Variants in SUFU observed in about 807,000 individuals in gnomAD.
The protein encoded by SUFU is suppressor of fused homolog.
A neutral mutation model predicts 58.9 loss-of-function variants in SUFU; 7 were observed. That is an observed-to-expected ratio of 0.12 (90% CI 0.07 to 0.22). SUFU has a LOEUF of 0.22. Among genes scored for constraint, SUFU ranks in the 10% least tolerant of loss-of-function variants. SUFU has a pLI of 1.00. For missense variants in SUFU, 451 were observed against 641.3 expected (o/e 0.70, Z 3.20); for synonymous variants, 232 against 254.8 (o/e 0.91, Z 0.85).
chr10:102,604,267 T>C (rs1316574877), intron 8 of SUFU, among the ~76,000 whole-genome samples: 2 of 152,254 alleles, frequency 1.3e-5, no homozygotes, highest in Non-Finnish European at 2.9e-5. Context: ...GACAGCAGGC[T>C]CCTTTTTGCC....
At chr10:102,533,704 G>T (rs10883732) in intron 2 of SUFU, among the ~76,000 whole-genome samples, 3 of 151,926 alleles carry the variant, frequency 2.0e-5, no homozygotes, top group African/African-American at 7.3e-5. Flanking sequence ...AAATTCTCAC[G>T]TCACATCTCT....
At chr10:102,507,961 A>AT (rs3061832) in intron 1 of SUFU, among the ~76,000 whole-genome samples, 5,537 of 116,492 alleles carry the variant, frequency 0.048, 439 homozygotes, top group African/African-American at 0.17. Flanking sequence ...TTTCTTATCC[A>AT]TTTTTTTTTT....
At chr10:102,550,803 G>A (rs1387177987) in intron 3 of SUFU, among the ~76,000 whole-genome samples, 4 of 150,384 alleles carry the variant, frequency 2.7e-5, no homozygotes, top group Non-Finnish European at 4.4e-5. Context: ...GTGCAATGGC[G>A]CAATCTCGAC....
In SUFU at chr10:102,631,801, G is replaced by A; in HGVS notation, c.*1646G>A. 2 of 233,346 alleles carry A rather than the reference G, an allele frequency of 8.6e-6. No individual in the cohort carries two copies. Among genetic ancestry groups the A allele is most frequent in the Non-Finnish European group, 1.7e-5 (2 of 118,082 alleles). 14.5% of individuals were successfully genotyped at this position (233,346 alleles called of 1,614,324 possible). On this transcript the variant is annotated 3_prime_UTR_variant, in exon 12 of 12. Coordinates refer to ENST00000369902, the MANE Select transcript of SUFU (RefSeq NM_016169.4). ...CCTCTACACATCCCCAGGGCTATCTGGTTAATTCCATCAAGCTCAGAGTTA... is the reference window on the plus strand; with the variant it reads ...CCTCTACACATCCCCAGGGCTATCTAGTTAATTCCATCAAGCTCAGAGTTA...
intron 10 of SUFU, among the ~76,000 whole-genome samples, chr10:102,618,848 T>C (rs974206282): frequency 6.6e-6 from 1 of 151,748 alleles, no homozygotes; most frequent in African/African-American, 2.4e-5. Flanking sequence ...GCCTGTCTCC[T>C]GGGCGGAGCT....
At chr10:102,601,714 C>G (rs1410705485) in intron 8 of SUFU, among the ~76,000 whole-genome samples, 2 of 152,170 alleles carry the variant, frequency 1.3e-5, no homozygotes, top group South Asian at 2.1e-4. Context: ...GGACTCAGTT[C>G]AGATCAGTGA....
At chr10:102,582,405 T>G (rs1376626088) in intron 3 of SUFU, among the ~76,000 whole-genome samples, 1 of 152,200 alleles carries the variant, frequency 6.6e-6, no homozygotes, top group Non-Finnish European at 1.5e-5. Flanking sequence ...ATAGCTGTTT[T>G]CTTCTGCAAC....
intron 2 of SUFU, among the ~76,000 whole-genome samples, chr10:102,542,823 C>T (rs1022546369): frequency 2.0e-5 from 3 of 151,994 alleles, no homozygotes; most frequent in African/African-American, 7.3e-5. Flanking sequence ...CAAGGCTTCG[C>T]CATGTTGCCC....
chr10:102,593,347 G>A (rs1429860438), intron 4 of SUFU, among the ~76,000 whole-genome samples: 1 of 152,146 alleles, frequency 6.6e-6, no homozygotes, highest in African/African-American at 2.4e-5. Context: ...ATCTTGAGTT[G>A]CTCAGGCCTT....
intron 2 of SUFU, among the ~76,000 whole-genome samples, chr10:102,535,368 C>A (rs1372107020): frequency 6.6e-6 from 1 of 152,092 alleles, no homozygotes; most frequent in African/African-American, 2.4e-5. Context: ...CGCCTGTAGT[C>A]CCAGCTACTC....
At chr10:102,576,950 A>T (rs917617662) in intron 3 of SUFU, among the ~76,000 whole-genome samples, 1 of 151,924 alleles carries the variant, frequency 6.6e-6, no homozygotes, top group African/African-American at 2.4e-5. Context: ...GTCTGAAGCG[A>T]CCTTCCTGCC....
At chr10:102,516,095 G>T (rs1206347823) in intron 2 of SUFU, among the ~76,000 whole-genome samples, 1 of 146,754 alleles carries the variant, frequency 6.8e-6, no homozygotes, top group African/African-American at 2.5e-5. Context: ...ATGTTGAGGA[G>T]AATTTCTTTT....
intron 2 of SUFU, among the ~76,000 whole-genome samples, chr10:102,540,706 C>T (rs1344634410): frequency 7.2e-6 from 1 of 139,624 alleles, no homozygotes; most frequent in Non-Finnish European, 1.6e-5. Context: ...TTCATTCCTG[C>T]CTGCCTTTAA....
intron 3 of SUFU, among the ~76,000 whole-genome samples, chr10:102,581,215 G>C (rs1220922835): frequency 1.1e-5 from 1 of 88,776 alleles, no homozygotes; most frequent in African/African-American, 4.2e-5. Flanking sequence ...AAAAAAAGAA[G>C]AAGAAGAAAT....
chr10:102,565,245 G>A (rs2063075312), intron 3 of SUFU, among the ~76,000 whole-genome samples: 1 of 152,214 alleles, frequency 6.6e-6, no homozygotes, highest in Non-Finnish European at 1.5e-5. Context: ...CACTGCAAAA[G>A]TCGGCCGACA....
At chr10:102,616,120 G>T (rs2063684865) in intron 9 of SUFU, among the ~76,000 whole-genome samples, 1 of 152,078 alleles carries the variant, frequency 6.6e-6, no homozygotes, top group Non-Finnish European at 1.5e-5. Flanking sequence ...CTAAAACCTA[G>T]TGGCCAGCCC....
chr10:102,595,716 G>C (rs1347903014), intron 6 of SUFU, among the ~76,000 whole-genome samples: 4 of 152,176 alleles, frequency 2.6e-5, no homozygotes, highest in Admixed American at 6.5e-5. Flanking sequence ...TGGTGGCTCT[G>C]TGCACCAAGT....
intron 2 of SUFU, among the ~76,000 whole-genome samples, chr10:102,526,993 GTTTTTTTT>G (rs34862176): frequency 2.9e-5 from 3 of 102,070 alleles, no homozygotes; most frequent in African/African-American, 7.6e-5. Context: ...TATTATTATT[GTTTTTTTT>G]TTTTTTTTTT....
chr10:102,520,254 G>A (rs1334621979), intron 2 of SUFU, among the ~76,000 whole-genome samples: 1 of 90,662 alleles, frequency 1.1e-5, no homozygotes, highest in Non-Finnish European at 2.1e-5. Flanking sequence ...TTTCACTCTT[G>A]TTGCCCAGGC....
Sources: gnomAD v4.1 joint callset for allele counts (sites outside exome capture counted in the v4.1 genomes callset) on GRCh38, gnomAD v4.1.1 for gene constraint, MANE v1.5 for transcripts, NCBI Gene and HGNC (gene_info 2026-07-23, HGNC 2026-07-21) for gene names.